The following CALCRL variants were observed in gnomAD, a reference collection of about 807,000 sequenced individuals.
The protein encoded by CALCRL is calcitonin receptor like receptor.
In CALCRL, 27 loss-of-function variants were observed where a neutral mutation model predicts 60.4. The observed-to-expected ratio is 0.45, with a 90% CI of 0.33 to 0.62. CALCRL has a LOEUF of 0.62. Ranked by LOEUF, CALCRL falls within the 20% of genes least tolerant of loss-of-function variation. The probability of loss-of-function intolerance (pLI) is 0.03; values close to 1 mark genes in which losing one functional copy is unlikely to be tolerated. For missense variants in CALCRL, 424 were observed against 540.7 expected (o/e 0.78, Z 2.14); for synonymous variants, 190 against 182.6 (o/e 1.04, Z -0.33).
intron 1 of CALCRL, among the ~76,000 whole-genome samples, chr2:187,418,539 A>C (rs1056356640): frequency 6.6e-6 from 1 of 152,012 alleles, no homozygotes; most frequent in African/African-American, 2.4e-5. Context: ...ATCGACTTCT[A>C]TTGTTATTTT....
intron 14 of CALCRL, among the ~76,000 whole-genome samples, chr2:187,349,552 A>C (rs1454580630): frequency 6.6e-6 from 1 of 151,734 alleles, no homozygotes; most frequent in African/African-American, 2.4e-5. Flanking sequence ...ATTTCTTAAG[A>C]AGAGAAATGA....
At position 187,356,133 on chromosome 2, in the gene CALCRL, G is replaced by A. The variant is rs142345786; in HGVS notation, c.909+2930C>T. Among the ~76,000 whole-genome samples, 1,393 of 152,168 alleles carry A rather than the reference G, an allele frequency of 9.2e-3. 20 individuals carry two copies. The highest frequency in any genetic ancestry group is 0.032 in the African/African-American group (1,314 of 41,522). On this transcript the variant is annotated intron_variant, in intron 12 of 14. Transcript: ENST00000392370. ...CAAGCTACTATTGACTTTCTTCACAGAATTAGGAAAAACTACTTTACGTTT... is the reference window on the plus strand; with the variant it reads ...CAAGCTACTATTGACTTTCTTCACAAAATTAGGAAAAACTACTTTACGTTT...
chr2:187,421,657 A>T (rs1689876448), intron 1 of CALCRL, among the ~76,000 whole-genome samples: 1 of 152,216 alleles, frequency 6.6e-6, no homozygotes, highest in African/African-American at 2.4e-5. Context: ...CTGGTGAAAA[A>T]TGGCCTTCAA....
chr2:187,437,166 C>T (rs1226070406), intron 1 of CALCRL, among the ~76,000 whole-genome samples: 1 of 152,160 alleles, frequency 6.6e-6, no homozygotes, highest in East Asian at 1.9e-4. Context: ...ATGCATTGCT[C>T]TGGATTTACT....
At chr2:187,440,795 C>A (rs1007398364) in intron 1 of CALCRL, among the ~76,000 whole-genome samples, 2 of 151,958 alleles carry the variant, frequency 1.3e-5, no homozygotes, top group African/African-American at 2.4e-5. Flanking sequence ...ATGATCAAAA[C>A]GACTTTCACA....
intron 8 of CALCRL, among the ~76,000 whole-genome samples, chr2:187,378,198 A>C (rs2105774655): frequency 6.6e-6 from 1 of 152,218 alleles, no homozygotes; most frequent in East Asian, 1.9e-4. Flanking sequence ...GAGCAAAAGG[A>C]GCAGAAGATG....
At chr2:187,397,447 A>G (rs376782756) in intron 1 of CALCRL, among the ~76,000 whole-genome samples, 2 of 151,720 alleles carry the variant, frequency 1.3e-5, no homozygotes, top group East Asian at 1.9e-4. Flanking sequence ...CAAATTTTTT[A>G]TAACATTGTA....
intron 9 of CALCRL, 46 bp from the exon 10 acceptor site, chr2:187,360,797 A>T: frequency 6.4e-7 from 1 of 1,554,522 alleles, no homozygotes; most frequent in Non-Finnish European, 8.7e-7. Context: ...TTATGAATTC[A>T]CATGTAAAGC....
rs1404978658 is a variant in CALCRL, at chr2:187,346,839, A to ACTC, written c.1171-441_1171-440insGAG. 5.9e-5 allele frequency among the ~76,000 whole-genome samples: 6 copies of ACTC among 101,482 alleles called. No homozygotes were observed. The East Asian group carries it at 2.2e-3, about 37-fold the overall frequency. 66.6% of individuals were successfully genotyped at this position (101,482 alleles called of 152,430 possible). On this transcript the variant is annotated intron_variant, in intron 14 of 14. Transcript: ENST00000392370. ...AAGAAGTTAGGATACGAAGAATACA[A>ACTC]ATCAGCAGCAGCAGCAGCAGGGCAG...
intron 4 of CALCRL, 40 bp downstream of exon 4, chr2:187,385,505 A>G: frequency 2.0e-6 from 2 of 989,750 alleles, no homozygotes; most frequent in Non-Finnish European, 1.6e-6. Flanking sequence ...GGTATACTGG[A>G]AGCAATAACA....
At chr2:187,406,155 A>G (rs1322010093) in intron 1 of CALCRL, among the ~76,000 whole-genome samples, 1 of 150,436 alleles carries the variant, frequency 6.6e-6, no homozygotes, top group Non-Finnish European at 1.5e-5. Flanking sequence ...ACCATTCCCA[A>G]CCAACACAAA....
At chr2:187,422,729 C>T (rs2058669) in intron 1 of CALCRL, among the ~76,000 whole-genome samples, 41,764 of 151,264 alleles carry the variant, frequency 0.28, 6,560 homozygotes, top group Non-Finnish European at 0.35. Context: ...TTGCTGATAA[C>T]TTCTAAGAGA....
intron 1 of CALCRL, among the ~76,000 whole-genome samples, chr2:187,398,255 C>T (rs1388336677): frequency 6.6e-6 from 1 of 151,658 alleles, no homozygotes; most frequent in Non-Finnish European, 1.5e-5. Flanking sequence ...GAGCCTTATA[C>T]TTATTTTCCT....
chr2:187,444,525 CAAT>C (rs1691079555), intron 1 of CALCRL, among the ~76,000 whole-genome samples: 1 of 151,236 alleles, frequency 6.6e-6, no homozygotes, highest in Non-Finnish European at 1.5e-5. Context: ...TTTTTGCAAA[CAAT>C]AATATTTTGG....
chr2:187,382,921 T>C (rs3213738), intron 5 of CALCRL, among the ~76,000 whole-genome samples: 8,300 of 152,222 alleles, frequency 0.055, 310 homozygotes, highest in South Asian at 0.098. Context: ...TAATACTTAT[T>C]TGATTTAAAT....
intron 8 of CALCRL, among the ~76,000 whole-genome samples, chr2:187,372,455 T>C (rs965261853): frequency 2.0e-5 from 3 of 152,144 alleles, no homozygotes; most frequent in African/African-American, 7.2e-5. Flanking sequence ...TTCCCTTTCT[T>C]TTTATCTCCT....
rs1273823863 is a variant in CALCRL at position 187,345,138 on chromosome 2, G to C, written c.*1046C>G. On this transcript the variant is annotated 3_prime_UTR_variant, in exon 15 of 15. Transcript: ENST00000392370. ...AGACTCTATTTTATTTAAAAAATCA[G>C]CCCAGATACAGTATCAGATATTAAC... 1.3e-5 allele frequency: 2 copies of C among 151,926 alleles called. No homozygotes were observed. The highest frequency in any genetic ancestry group is 6.6e-5 in the Admixed American group (1 of 15,156). 9.4% of individuals were successfully genotyped at this position (151,926 alleles called of 1,614,324 possible). A position where few individuals can be genotyped will look rare whatever the true frequency, so the allele number is the denominator to read the frequency against.
chr2:187,441,356 C>T (rs2105910282), intron 1 of CALCRL, among the ~76,000 whole-genome samples: 1 of 152,022 alleles, frequency 6.6e-6, no homozygotes, highest in African/African-American at 2.4e-5. Context: ...TTTTAGAAAA[C>T]ACTCTAGTTA....
intron 1 of CALCRL, among the ~76,000 whole-genome samples, chr2:187,444,687 A>G (rs959822608): frequency 6.6e-6 from 1 of 151,558 alleles, no homozygotes; most frequent in Admixed American, 6.6e-5. Flanking sequence ...CTCAGTTCAC[A>G]GGCAGTGATA....
Sources: gnomAD v4.1 joint callset for allele counts (sites outside exome capture counted in the v4.1 genomes callset) on GRCh38, gnomAD v4.1.1 for gene constraint, MANE v1.5 for transcripts, NCBI Gene and HGNC (gene_info 2026-07-23, HGNC 2026-07-21) for gene names.